Variants in SPAG16 observed in about 807,000 individuals in gnomAD.
SPAG16 encodes sperm associated antigen 16.
A neutral mutation model predicts 80.4 loss-of-function variants in SPAG16; 86 were observed. The ratio of observed to expected loss-of-function variants is 1.07; its 90% CI spans 0.90 to 1.28. The LOEUF is 1.28. Ranked by LOEUF, SPAG16 falls within the 50% of genes most tolerant of loss-of-function variation. SPAG16 has a pLI of 0.00. For missense variants in SPAG16, 870 were observed against 765.3 expected (o/e 1.14, Z -1.61); for synonymous variants, 294 against 265.9 (o/e 1.11, Z -1.03).
chr2:213,299,807 A>G (rs562134713), intron 3 of SPAG16, among the ~76,000 whole-genome samples: 2 of 152,278 alleles, frequency 1.3e-5, no homozygotes, highest in South Asian at 2.1e-4. Flanking sequence ...ATGTAGTTTG[A>G]TTATACTATC....
At chr2:214,371,532 C>T (rs367998867) in intron 15 of SPAG16, among the ~76,000 whole-genome samples, 7 of 78,406 alleles carry the variant, frequency 8.9e-5, no homozygotes, top group Admixed American at 4.4e-4. Context: ...AAATCCTTCT[C>T]AAAAAAAAAA....
intron 10 of SPAG16, among the ~76,000 whole-genome samples, chr2:213,590,516 G>A (rs2060648446): frequency 6.7e-6 from 1 of 149,964 alleles, no homozygotes; most frequent in East Asian, 1.9e-4. Flanking sequence ...CTCAAAAGAA[G>A]ATGTATAACC....
chr2:213,661,072 C>A (rs1033673329), intron 10 of SPAG16, among the ~76,000 whole-genome samples: 1 of 152,194 alleles, frequency 6.6e-6, no homozygotes, highest in Non-Finnish European at 1.5e-5. Flanking sequence ...GTCACTCCAA[C>A]ATATAGGTAG....
rs567609036 is a variant in SPAG16 at position 213,342,304 on chromosome 2, G to A, written c.644+2034G>A. On this transcript the variant is annotated intron_variant, in intron 6 of 15. Coordinates refer to ENST00000331683, the MANE Select transcript of SPAG16 (RefSeq NM_024532.5). Reference sequence around the variant, plus strand: ...ACATATGTATATATATATGACATATGTGTATATATATGTTACATATATGTG... The same window carrying A: ...ACATATGTATATATATATGACATATATGTATATATATGTTACATATATGTG... Among the ~76,000 whole-genome samples, 47 of 142,344 alleles carry A rather than the reference G, an allele frequency of 3.3e-4. No homozygotes were observed. The South Asian group carries it at 8.7e-3, about 26-fold the overall frequency. 93.4% of individuals were successfully genotyped at this position (142,344 alleles called of 152,430 possible).
chr2:214,410,345 T>A lies in SPAG16; in HGVS notation c.*30T>A. 1 of 1,564,920 alleles carries A rather than the reference T, an allele frequency of 6.4e-7. No individual in the cohort carries two copies. The highest frequency in any genetic ancestry group is 8.7e-7 in the Non-Finnish European group (1 of 1,147,198). ...CAGCACATCCCGCTGCAGAGGGCAT[T>A]CCCTTTAAGGCTTGAAAATGCCTCC... On this transcript the variant is annotated 3_prime_UTR_variant, in exon 16 of 16. Coordinates refer to ENST00000331683, the MANE Select transcript of SPAG16 (RefSeq NM_024532.5).
chr2:214,216,934 A>ATC (rs2058446707), intron 15 of SPAG16, among the ~76,000 whole-genome samples: 1 of 152,246 alleles, frequency 6.6e-6, no homozygotes, highest in South Asian at 2.1e-4. Flanking sequence ...GGCACAAGAT[A>ATC]TTAATATATA....
chr2:214,195,208 T>A (rs1215159462), intron 15 of SPAG16, among the ~76,000 whole-genome samples: 1 of 150,580 alleles, frequency 6.6e-6, no homozygotes, highest in African/African-American at 2.4e-5. Context: ...GGGTGGAAAA[T>A]TCTTTGCAAG....
intron 6 of SPAG16, among the ~76,000 whole-genome samples, chr2:213,347,630 C>A (rs1371248289): frequency 5.3e-5 from 8 of 152,158 alleles, no homozygotes; most frequent in Non-Finnish European, 8.8e-5. Flanking sequence ...TTTCTGCCTT[C>A]ATTTCGTTAT....
chr2:213,981,673 T>C (rs1040091293), intron 12 of SPAG16, among the ~76,000 whole-genome samples: 1 of 151,988 alleles, frequency 6.6e-6, no homozygotes, highest in Non-Finnish European at 1.5e-5. Flanking sequence ...TATTAGAGGG[T>C]CAGATTGGTT....
chr2:213,932,949 AACACACAC>A lies in SPAG16; in HGVS notation c.1400+2839_1400+2846del, dbSNP rs3076792. Among the ~76,000 whole-genome samples, 831 of 143,964 alleles carry A rather than the reference AACACACAC, an allele frequency of 5.8e-3. 7 individuals carry two copies. Among genetic ancestry groups the A allele is most frequent in the Middle Eastern group, 0.028 (8 of 284 alleles). 94.4% of individuals were successfully genotyped at this position (143,964 alleles called of 152,430 possible). A position where few individuals can be genotyped will look rare whatever the true frequency, so the allele number is the denominator to read the frequency against. ...GTATTTCACTTAATGGTTGTTTGAA[AACACACAC>A]ACACACACACACACACACACACACA... is the stretch of plus-strand genomic sequence containing the variant. On this transcript the variant is annotated intron_variant, in intron 12 of 15. Coordinates refer to ENST00000331683, the MANE Select transcript of SPAG16 (RefSeq NM_024532.5).
At chr2:213,987,610 C>T (rs984504506) in intron 12 of SPAG16, among the ~76,000 whole-genome samples, 6 of 151,894 alleles carry the variant, frequency 4.0e-5, no homozygotes, top group South Asian at 2.1e-4. Flanking sequence ...ATCCTAAACT[C>T]GGACAATTGT....
chr2:214,104,249 C>T (rs1423447606), intron 13 of SPAG16, among the ~76,000 whole-genome samples: 1 of 152,158 alleles, frequency 6.6e-6, no homozygotes, highest in African/African-American at 2.4e-5. Flanking sequence ...AGGATGAGGT[C>T]AGATACAGAG....
intron 11 of SPAG16, among the ~76,000 whole-genome samples, chr2:213,926,937 A>C (rs971341644): frequency 6.6e-6 from 1 of 152,204 alleles, no homozygotes; most frequent in African/African-American, 2.4e-5. Flanking sequence ...TAGTCAGCTC[A>C]GTCTGCCATA....
chr2:213,975,632 T>G (rs1239195752), intron 12 of SPAG16, among the ~76,000 whole-genome samples: 2 of 151,294 alleles, frequency 1.3e-5, no homozygotes, highest in East Asian at 3.9e-4. Context: ...AAACAGAAAA[T>G]TCACCTGTTA....
intron 10 of SPAG16, among the ~76,000 whole-genome samples, chr2:213,784,971 TC>T (rs2070245166): frequency 6.6e-6 from 1 of 152,170 alleles, no homozygotes; most frequent in African/African-American, 2.4e-5. Flanking sequence ...TCATCCTAGT[TC>T]TATAAGGCTA....
At chr2:213,291,148 C>T (rs1327241263) in intron 1 of SPAG16, among the ~76,000 whole-genome samples, 9 of 152,116 alleles carry the variant, frequency 5.9e-5, no homozygotes, top group Non-Finnish European at 1.2e-4. Flanking sequence ...CTTATGAGAC[C>T]TATGGTATCT....
At chr2:213,550,697 G>T (rs1397572442) in intron 10 of SPAG16, among the ~76,000 whole-genome samples, 2 of 151,948 alleles carry the variant, frequency 1.3e-5, no homozygotes, top group Non-Finnish European at 1.5e-5. Context: ...CAAATATTAT[G>T]TTCCAACTTT....
intron 13 of SPAG16, among the ~76,000 whole-genome samples, chr2:214,027,897 T>C (rs1419800288): frequency 5.9e-5 from 9 of 151,934 alleles, no homozygotes; most frequent in African/African-American, 2.4e-5. Flanking sequence ...TCTTGGAAAA[T>C]TGAGTGCTTC....
intron 10 of SPAG16, among the ~76,000 whole-genome samples, chr2:213,637,694 A>G (rs1263091267): frequency 6.6e-6 from 1 of 152,018 alleles, no homozygotes; most frequent in Admixed American, 6.6e-5. Context: ...TCCAGGAATT[A>G]TCCATCTTCT....
Sources: allele counts gnomAD v4.1 joint callset (sites outside exome capture counted in the v4.1 genomes callset), GRCh38; gene constraint gnomAD v4.1.1; transcripts MANE v1.5; gene names NCBI Gene and HGNC (gene_info 2026-07-23, HGNC 2026-07-21).